GALM: variants seen among roughly 807,000 people sequenced by gnomAD.
The protein encoded by GALM is galactose mutarotase.
In GALM, 43 loss-of-function variants were observed where a neutral mutation model predicts 37.4. That is an observed-to-expected ratio of 1.15 (90% CI 0.90 to 1.48). The LOEUF (loss-of-function observed/expected upper bound fraction) is 1.48. Among genes scored for constraint, GALM ranks in the 40% most tolerant of loss-of-function variants. GALM has a pLI of 0.00. For synonymous variants in GALM, 199 were observed against 170.6 expected (o/e 1.17, Z -1.30); for missense variants, 456 against 419.1 (o/e 1.09, Z -0.77).
At chr2:38,703,059 T>TATATATAA (rs2148444062) in intron 4 of GALM, among the ~76,000 whole-genome samples, 1 of 2,894 alleles carries the variant, frequency 3.5e-4, no homozygotes, top group East Asian at 0.017. Context: ...GGATTTTATA[T>TATATATAA]ATATATATAT....
intron 3 of GALM, among the ~76,000 whole-genome samples, chr2:38,686,258 T>TTCTTTCTTTCTTTCTTTCTCTCTTTCTC (rs1572518758): frequency 8.0e-5 from 8 of 100,054 alleles, no homozygotes; most frequent in Admixed American, 1.1e-4. Flanking sequence ...CTTTCTTTCT[T>TTCTTTCTTTCTTTCTTTCTCTCTTTCTC]TCTTTCTTTC....
intron 2 of GALM, among the ~76,000 whole-genome samples, chr2:38,679,295 G>A (rs1665336689): frequency 6.6e-6 from 1 of 152,096 alleles, no homozygotes; most frequent in African/African-American, 2.4e-5. Context: ...CCACATGTGT[G>A]ACTTTAAACA....
chr2:38,679,670 C>G (rs1017217371), intron 2 of GALM, among the ~76,000 whole-genome samples: 3 of 152,140 alleles, frequency 2.0e-5, no homozygotes, highest in African/African-American at 7.2e-5. Context: ...GAATCTCTGG[C>G]CAACTCATCC....
intron 4 of GALM, among the ~76,000 whole-genome samples, chr2:38,708,623 C>T (rs1666089434): frequency 6.6e-6 from 1 of 151,608 alleles, no homozygotes; most frequent in Non-Finnish European, 1.5e-5. Context: ...CGCCTGTAGT[C>T]CCAGCTACTC....
At chr2:38,686,277 T>TTTCTTTCTC (rs1558582155) in intron 3 of GALM, among the ~76,000 whole-genome samples, 15 of 112,316 alleles carry the variant, frequency 1.3e-4, no homozygotes, top group East Asian at 4.0e-4. Flanking sequence ...TCTTTCTTTC[T>TTTCTTTCTC]TATTTTGAGA....
At chr2:38,710,459 G>C (rs963550721) in intron 4 of GALM, among the ~76,000 whole-genome samples, 20 of 152,146 alleles carry the variant, frequency 1.3e-4, no homozygotes, top group Non-Finnish European at 2.8e-4. Flanking sequence ...CCCTCACCTG[G>C]CCTACTTCTG....
At chr2:38,698,706 A>G (rs1376092652) in intron 4 of GALM, among the ~76,000 whole-genome samples, 1 of 152,164 alleles carries the variant, frequency 6.6e-6, no homozygotes, top group Non-Finnish European at 1.5e-5. Flanking sequence ...AGGGGTGTAG[A>G]TAATGGATGT....
chr2:38,670,951 C>T (rs369536387), intron 1 of GALM, among the ~76,000 whole-genome samples: 159 of 152,242 alleles, frequency 1.0e-3, no homozygotes, highest in African/African-American at 3.5e-3. Context: ...GACTTTAGTG[C>T]ACTCTGGCTA....
intron 4 of GALM, among the ~76,000 whole-genome samples, chr2:38,714,113 A>T (rs1165410887): frequency 1.3e-5 from 2 of 152,070 alleles, no homozygotes. Context: ...CATCATCTTT[A>T]TTGCCACTAT....
chr2:38,685,511 C>G (rs1665497533), intron 3 of GALM, among the ~76,000 whole-genome samples: 1 of 152,116 alleles, frequency 6.6e-6, no homozygotes, highest in Non-Finnish European at 1.5e-5. Context: ...ATGTTACAAA[C>G]AGGTAGCAGC....
At chr2:38,695,721 T>C (rs575560189) in intron 4 of GALM, among the ~76,000 whole-genome samples, 3 of 152,322 alleles carry the variant, frequency 2.0e-5, no homozygotes, top group Non-Finnish European at 2.9e-5. Context: ...TGAGACGGAG[T>C]CTCACTCTGT....
chr2:38,723,756 A>G (rs1032366419), intron 4 of GALM, among the ~76,000 whole-genome samples: 1 of 151,982 alleles, frequency 6.6e-6, no homozygotes, highest in Admixed American at 6.6e-5. Flanking sequence ...AAACCACTGC[A>G]CTCCAGCCTG....
At chr2:38,697,840 G>T (rs1430990186) in intron 4 of GALM, among the ~76,000 whole-genome samples, 1 of 152,140 alleles carries the variant, frequency 6.6e-6, no homozygotes. Context: ...CGTCTTCAAT[G>T]CAGAGCCGGC....
chr2:38,712,872 C>T (rs558331824), intron 4 of GALM, among the ~76,000 whole-genome samples: 2 of 152,272 alleles, frequency 1.3e-5, no homozygotes, highest in African/African-American at 4.8e-5. Flanking sequence ...GGGCTAAATC[C>T]CCCACATAAA....
At chr2:38,683,996 G>C (rs570135247) in intron 3 of GALM, among the ~76,000 whole-genome samples, 5 of 152,200 alleles carry the variant, frequency 3.3e-5, no homozygotes, top group Non-Finnish European at 7.3e-5. Flanking sequence ...TCCGGTAGGA[G>C]TGGATGATCA....
intron 4 of GALM, among the ~76,000 whole-genome samples, chr2:38,698,795 G>C (rs1162230576): frequency 1.3e-5 from 2 of 152,196 alleles, no homozygotes; most frequent in Non-Finnish European, 2.9e-5. Context: ...TTGTTTTTGA[G>C]ATGGGGTCTC....
At chr2:38,683,004 A>G (rs1414058431) in intron 3 of GALM, among the ~76,000 whole-genome samples, 1 of 152,206 alleles carries the variant, frequency 6.6e-6, no homozygotes, top group Non-Finnish European at 1.5e-5. Flanking sequence ...AACAAACGAC[A>G]GAAATAGAAG....
At chr2:38,693,578 G>A (rs1665734473) in intron 4 of GALM, among the ~76,000 whole-genome samples, 1 of 152,036 alleles carries the variant, frequency 6.6e-6, no homozygotes, top group Non-Finnish European at 1.5e-5. Context: ...TCTACCGACT[G>A]TGGTTTTGTT....
At chr2:38,697,946 T>TG (rs1314368213) in intron 4 of GALM, among the ~76,000 whole-genome samples, 15 of 151,582 alleles carry the variant, frequency 9.9e-5, no homozygotes, top group African/African-American at 3.6e-4. Context: ...TTTTGGGTTT[T>TG]GGGGTTTTTT....
Sources: gnomAD v4.1 joint callset for allele counts (sites outside exome capture counted in the v4.1 genomes callset) on GRCh38, gnomAD v4.1.1 for gene constraint, MANE v1.5 for transcripts, NCBI Gene and HGNC (gene_info 2026-07-23, HGNC 2026-07-21) for gene names.